The following DGKB variants were observed in gnomAD, a reference collection of about 807,000 sequenced individuals.
DGKB encodes diacylglycerol kinase beta.
A neutral mutation model predicts 114.3 loss-of-function variants in DGKB; 67 were observed. That is an observed-to-expected ratio of 0.59 (90% CI 0.48 to 0.72). The LOEUF (loss-of-function observed/expected upper bound fraction) is 0.72. DGKB is among the 30% of genes least tolerant of loss of function. The probability of loss-of-function intolerance (pLI) is 0.00; values close to 1 mark genes in which losing one functional copy is unlikely to be tolerated. For synonymous variants in DGKB, 398 were observed against 323.1 expected, an observed-to-expected ratio of 1.23 and a Z score of -2.49; for missense variants, 907 against 975.2, an observed-to-expected ratio of 0.93 and a Z score of 0.93.
chr7:14,559,229 T>C (rs563368957), intron 20 of DGKB, among the ~76,000 whole-genome samples: 3 of 152,228 alleles, frequency 2.0e-5, no homozygotes, highest in Non-Finnish European at 4.4e-5. Context: ...GAATAACCTA[T>C]AAAATCAATT....
intron 21 of DGKB, among the ~76,000 whole-genome samples, chr7:14,376,666 T>G (rs111855174): frequency 5.3e-5 from 8 of 152,316 alleles, no homozygotes; most frequent in African/African-American, 1.9e-4. Flanking sequence ...ATAAAAACCT[T>G]ATAAAACCAT....
At chr7:14,932,125 T>G (rs984586347) in intron 1 of DGKB, among the ~76,000 whole-genome samples, 1 of 152,298 alleles carries the variant, frequency 6.6e-6, no homozygotes, top group South Asian at 2.1e-4. Flanking sequence ...GGCTTATAGC[T>G]TGGGAGGGTC....
intron 23 of DGKB, among the ~76,000 whole-genome samples, chr7:14,311,871 G>A (rs564359512): frequency 6.6e-6 from 1 of 152,280 alleles, no homozygotes; most frequent in South Asian, 2.1e-4. Context: ...GAAGGCGGGG[G>A]AGGTGGTCTC....
intron 12 of DGKB, 44 bp from the exon 13 acceptor site, chr7:14,673,071 A>C: frequency 9.0e-7 from 1 of 1,105,972 alleles, no homozygotes; most frequent in Non-Finnish European, 1.3e-6. Flanking sequence ...CTACATGACA[A>C]CGCCTAACAT....
intron 1 of DGKB, among the ~76,000 whole-genome samples, chr7:14,846,180 A>G (rs1196014329): frequency 6.6e-6 from 1 of 152,180 alleles, no homozygotes. Flanking sequence ...AAATAATGGT[A>G]TCTCTGAGTG....
At chr7:14,747,779 GCA>G (rs11276008) in intron 4 of DGKB, among the ~76,000 whole-genome samples, 51 of 148,286 alleles carry the variant, frequency 3.4e-4, no homozygotes, top group Non-Finnish European at 3.9e-4. Flanking sequence ...CCACGCGCAC[GCA>G]CACACACACA....
intron 20 of DGKB, among the ~76,000 whole-genome samples, chr7:14,492,501 T>C (rs961189325): frequency 2.0e-5 from 3 of 152,096 alleles, no homozygotes; most frequent in East Asian, 1.9e-4. Context: ...TATCCATATT[T>C]TGGATTGTTT....
chr7:14,833,626 T>G (rs1270785872), intron 2 of DGKB, among the ~76,000 whole-genome samples: 2 of 152,148 alleles, frequency 1.3e-5, no homozygotes, highest in Non-Finnish European at 2.9e-5. Flanking sequence ...ACCCACTTTT[T>G]GTGACTATTG....
intron 1 of DGKB, among the ~76,000 whole-genome samples, chr7:14,888,522 T>C (rs1310289784): frequency 6.6e-6 from 1 of 151,756 alleles, no homozygotes; most frequent in Non-Finnish European, 1.5e-5. Flanking sequence ...TCATGTTGCA[T>C]TTCAGACTTT....
chr7:14,775,492 C>T (rs1266340256), intron 2 of DGKB, among the ~76,000 whole-genome samples: 1 of 150,854 alleles, frequency 6.6e-6, no homozygotes, highest in African/African-American at 2.4e-5. Context: ...ATTACTTTTG[C>T]ACCAACCTAA....
chr7:14,374,808 C>A (rs1818226040), intron 21 of DGKB, among the ~76,000 whole-genome samples: 1 of 152,106 alleles, frequency 6.6e-6, no homozygotes, highest in South Asian at 2.1e-4. Flanking sequence ...TAGCAGTATC[C>A]CTGGCCTCTA....
intron 1 of DGKB, among the ~76,000 whole-genome samples, chr7:14,849,993 C>T (rs982531451): frequency 6.6e-6 from 1 of 152,158 alleles, no homozygotes; most frequent in African/African-American, 2.4e-5. Flanking sequence ...AAGCCTCCCC[C>T]ACTTTATCCT....
intron 2 of DGKB, among the ~76,000 whole-genome samples, chr7:14,830,918 CAT>C (rs1277546445): frequency 6.6e-6 from 1 of 151,878 alleles, no homozygotes; most frequent in South Asian, 2.1e-4. Flanking sequence ...CACACATGCA[CAT>C]GTGTGTGCAT....
intron 23 of DGKB, among the ~76,000 whole-genome samples, chr7:14,244,368 G>A (rs959617131): frequency 1.2e-4 from 18 of 151,966 alleles, no homozygotes. Flanking sequence ...TATTAGAAGA[G>A]GGTGCTGGCC....
intron 21 of DGKB, among the ~76,000 whole-genome samples, chr7:14,409,902 T>C (rs1247901649): frequency 6.6e-6 from 1 of 152,110 alleles, no homozygotes; most frequent in Non-Finnish European, 1.5e-5. Context: ...GCTTACCTTG[T>C]TGTAAGAAAA....
rs370417825 is a variant in DGKB, at chr7:14,845,994, C to G, written c.-187-4544G>C. Among the ~76,000 whole-genome samples the G allele has an allele frequency of 6.4e-4, 97 of 152,320 alleles. 1 individual carries two copies. Among genetic ancestry groups the G allele is most frequent in the African/African-American group, 2.1e-3 (87 of 41,562 alleles). On this transcript the variant is annotated intron_variant, in intron 1 of 25. Transcript: ENST00000402815. ...ATGTCAGCTAACCAATTTACCATAACAACACTTACACATGACCACCAAGTA... is the reference window on the plus strand; with the variant it reads ...ATGTCAGCTAACCAATTTACCATAAGAACACTTACACATGACCACCAAGTA...
At chr7:14,435,124 G>A (rs1047367993) in intron 21 of DGKB, among the ~76,000 whole-genome samples, 1 of 152,038 alleles carries the variant, frequency 6.6e-6, no homozygotes, top group African/African-American at 2.4e-5. Context: ...ACTAGCTCTT[G>A]ATCTGGATTT....
chr7:14,281,793 A>C (rs1194244465), intron 23 of DGKB, among the ~76,000 whole-genome samples: 3 of 151,528 alleles, frequency 2.0e-5, no homozygotes, highest in African/African-American at 7.3e-5. Context: ...GGCAGAAATA[A>C]AGATGTTCTT....
chr7:14,214,299 T>G (rs17764625), intron 23 of DGKB, among the ~76,000 whole-genome samples: 1 of 152,124 alleles, frequency 6.6e-6, no homozygotes, highest in Non-Finnish European at 1.5e-5. Flanking sequence ...TACATTTAGC[T>G]TTTAACTTTC....
Sources: gnomAD v4.1 joint callset for allele counts (sites outside exome capture counted in the v4.1 genomes callset) on GRCh38, gnomAD v4.1.1 for gene constraint, MANE v1.5 for transcripts, NCBI Gene and HGNC (gene_info 2026-07-23, HGNC 2026-07-21) for gene names.